The following UTP6 variants were observed in gnomAD, a reference collection of about 807,000 sequenced individuals.
UTP6 encodes the protein U3 small nucleolar RNA-associated protein 6 homolog.
In UTP6, 60 loss-of-function variants were observed where a neutral mutation model predicts 96.5. The ratio of observed to expected loss-of-function variants is 0.62; its 90% CI spans 0.51 to 0.77. The LOEUF is 0.77. Among genes scored for constraint, UTP6 ranks in the 30% least tolerant of loss-of-function variants. The pLI, the probability that UTP6 is intolerant of heterozygous loss-of-function variation, is 0.00. For synonymous variants in UTP6, 215 were observed against 240.1 expected, an observed-to-expected ratio of 0.90 and a Z score of 0.96; for missense variants, 637 against 706.5, an observed-to-expected ratio of 0.90 and a Z score of 1.12.
At chr17:31,876,204 T>G (rs1189559416) in intron 13 of UTP6, among the ~76,000 whole-genome samples, 1 of 151,866 alleles carries the variant, frequency 6.6e-6, no homozygotes, top group Non-Finnish European at 1.5e-5. Flanking sequence ...GCCTGGTTAA[T>G]TTTTTGTATT....
rs371673397 is a variant in UTP6, at chr17:31,873,430, C to G, written c.1444G>C (p.Asp482His). The G allele has an allele frequency of 2.9e-5, 47 of 1,614,014 alleles. No individual in the cohort carries two copies. The highest frequency in any genetic ancestry group is 5.0e-5 in the Admixed American group (3 of 59,960). ...DSVTLKNKYL[D>H]WAYRSGGYKK... ...TAGCCACCACTTCGATAAGCCCAAT[C>G]CAGGTACTTATTCTTCAGGGTTACT... The change falls in exon 16 of 19, where the codon GAT (aspartate) becomes CAT (histidine). Residue 482 changes from aspartate (D) to histidine (H), a missense_variant. Physicochemically the swap from Asp to His is moderately conservative, Grantham distance 81 (BLOSUM62 -1). Transcript: ENST00000261708.
chr17:31,877,118 T>C (rs1204661043), intron 13 of UTP6, among the ~76,000 whole-genome samples: 3 of 152,162 alleles, frequency 2.0e-5, no homozygotes, highest in African/African-American at 7.2e-5. Flanking sequence ...TAACATAAAC[T>C]AAAGCAAATT....
chr17:31,874,647 T>A (rs1910385262), intron 14 of UTP6, among the ~76,000 whole-genome samples: 1 of 152,002 alleles, frequency 6.6e-6, no homozygotes, highest in South Asian at 2.1e-4. Context: ...GCAAAGTGAA[T>A]CTGGCCATAC....
In UTP6 at chr17:31,878,739, A is replaced by C. The variant is rs1598103934; in HGVS notation, c.1010T>G (p.Phe337Cys). Residue 337 changes from phenylalanine to cysteine, a missense_variant, in exon 12 of 19, where the codon TTT becomes TGT. By Grantham distance (205) the Phe-to-Cys change is radical. Coordinates refer to ENST00000261708, the MANE Select transcript of UTP6 (RefSeq NM_018428.3). ...KCYITFCLER[F>C]TKKSNSGFLR... ...GAACCCACTATTTGACTTCTTAGTA[A>C]ATCTTTCCAAGCAAAAGGTGATGTA... is the stretch of plus-strand genomic sequence containing the variant. The C allele has an allele frequency of 3.7e-6, 6 of 1,614,188 alleles. No individual in the cohort carries two copies. The East Asian group carries it at 1.3e-4, about 36-fold the overall frequency.
intron 6 of UTP6, among the ~76,000 whole-genome samples, chr17:31,891,795 GGT>G (rs1476029132): frequency 2.0e-5 from 3 of 152,214 alleles, no homozygotes; most frequent in Non-Finnish European, 2.9e-5. Context: ...GGCCAAGGCG[GGT>G]GGATCACGAG....
At chr17:31,897,055 G>A (rs1904694102) in intron 2 of UTP6, among the ~76,000 whole-genome samples, 1 of 151,916 alleles carries the variant, frequency 6.6e-6, no homozygotes, top group Non-Finnish European at 1.5e-5. Flanking sequence ...GGTACGGCAA[G>A]GCAGGAGGAT....
chr17:31,896,501 C>T (rs968445791), intron 2 of UTP6, among the ~76,000 whole-genome samples: 4 of 152,024 alleles, frequency 2.6e-5, no homozygotes, highest in Non-Finnish European at 5.9e-5. Context: ...GCCCATTTTT[C>T]TTTTTAGTTT....
chr17:31,892,132 C>T, intron 6 of UTP6, 128 bp downstream of exon 6: 1 of 950,108 alleles, frequency 1.1e-6, no homozygotes, highest in Non-Finnish European at 1.6e-6. Context: ...GTAAGAAAAA[C>T]TGCTGAGGCC....
intron 10 of UTP6, among the ~76,000 whole-genome samples, chr17:31,881,529 A>C (rs1910842186): frequency 6.6e-6 from 1 of 152,058 alleles, no homozygotes; most frequent in Admixed American, 6.6e-5. Context: ...TTGGGCTCCC[A>C]AAGTGCTGGG....
chr17:31,873,529 C>T, intron 15 of UTP6, 42 bp from the exon 16 acceptor site: 2 of 1,608,384 alleles, frequency 1.2e-6, no homozygotes, highest in East Asian at 4.5e-5. Context: ...TGTGAGAAAA[C>T]TTATAGATAC....
chr17:31,865,365 C>T lies in UTP6; in HGVS notation c.1636+1G>A, dbSNP rs777219897. ...TGGTCACAAATTAAGGGTTTACTTACCAGAATCTGCGGATCCAAACTCTCT... is the reference window on the plus strand; with the variant it reads ...TGGTCACAAATTAAGGGTTTACTTATCAGAATCTGCGGATCCAAACTCTCT... On this transcript the variant is annotated splice_donor_variant, in intron 18 of 18. Coordinates refer to ENST00000261708, the MANE Select transcript of UTP6 (RefSeq NM_018428.3). LOFTEE classifies it high-confidence loss of function. 7.4e-6 allele frequency: 12 copies of T among 1,613,754 alleles called. No individual in the cohort carries two copies. In the South Asian group the frequency reaches 1.3e-4, roughly 18 times the overall value.
At chr17:31,875,716 G>A (rs1164932556) in intron 13 of UTP6, among the ~76,000 whole-genome samples, 3 of 151,588 alleles carry the variant, frequency 2.0e-5, no homozygotes, top group East Asian at 1.9e-4. Context: ...CCAGCTACTC[G>A]GAAGGCTGAG....
In UTP6 at chr17:31,881,267, C is replaced by CT. The variant is rs202102116; in HGVS notation, c.786-514dup. 8.6e-3 allele frequency among the ~76,000 whole-genome samples: 1,138 copies of CT among 132,864 alleles called. 4 individuals carry two copies. Among genetic ancestry groups the CT allele is most frequent in the Non-Finnish European group, 0.012 (743 of 62,246 alleles). The allele number at this position is 132,864 out of a possible 152,430, so 87.2% of individuals were successfully genotyped here. A position where few individuals can be genotyped will look rare whatever the true frequency, so the allele number is the denominator to read the frequency against. ...GGATCAGAATTGTCCCACTTTTTCACTTTTTTTTTTTTTTTTTTTGAGCCA... is the reference window on the plus strand; with the variant it reads ...GGATCAGAATTGTCCCACTTTTTCACTTTTTTTTTTTTTTTTTTTTGAGCCA... On this transcript the variant is annotated intron_variant, in intron 10 of 18. Transcript: ENST00000261708.
intron 1 of UTP6, 149 bp downstream of exon 1, chr17:31,901,387 T>C: frequency 1.4e-6 from 1 of 697,818 alleles, no homozygotes; most frequent in East Asian, 2.7e-5. Flanking sequence ...AAAAATTAAT[T>C]CTGGACATCA....
At chr17:31,873,608 G>A (rs1199675641) in intron 15 of UTP6, 65 bp downstream of exon 15, 3 of 1,611,136 alleles carry the variant, frequency 1.9e-6, no homozygotes. Flanking sequence ...CAACACTAGA[G>A]CTGACCAACC....
chr17:31,889,202 G>C, intron 7 of UTP6, 83 bp downstream of exon 7: 2 of 1,025,480 alleles, frequency 2.0e-6, no homozygotes, highest in Non-Finnish European at 2.8e-6. Flanking sequence ...CGTAAGAATT[G>C]CTTGAATCCA....
intron 16 of UTP6, among the ~76,000 whole-genome samples, chr17:31,871,151 G>A (rs762964601): frequency 9.9e-5 from 15 of 151,558 alleles, no homozygotes; most frequent in Non-Finnish European, 1.9e-4. Flanking sequence ...CACCACGCCC[G>A]GCTAATTTTT....
intron 15 of UTP6, 68 bp downstream of exon 15, chr17:31,873,605 A>G (rs1172331840): frequency 2.2e-5 from 36 of 1,609,394 alleles, no homozygotes; most frequent in Middle Eastern, 1.6e-4. Flanking sequence ...CTGCAACACT[A>G]GAGCTGACCA....
intron 2 of UTP6, among the ~76,000 whole-genome samples, chr17:31,897,426 A>G (rs1438649984): frequency 4.7e-5 from 7 of 149,260 alleles, no homozygotes; most frequent in Non-Finnish European, 1.0e-4. Context: ...TTTAAATCTA[A>G]GCTCAAAACT....
Sources: gnomAD v4.1 joint callset for allele counts (sites outside exome capture counted in the v4.1 genomes callset) on GRCh38, gnomAD v4.1.1 for gene constraint, MANE v1.5 for transcripts, NCBI Gene and HGNC (gene_info 2026-07-23, HGNC 2026-07-21) for gene names.